NELL2: variants seen among roughly 807,000 people sequenced by gnomAD.
NELL2 encodes neural EGFL like 2.
NELL2 carries 41 observed loss-of-function variants against 109.6 expected under a neutral mutation model. The ratio of observed to expected loss-of-function variants is 0.37; its 90% CI spans 0.29 to 0.49. The LOEUF is 0.49. NELL2 is among the 20% of genes least tolerant of loss of function. The probability of loss-of-function intolerance (pLI) is 0.98; values close to 1 mark genes in which losing one functional copy is unlikely to be tolerated. For missense variants in NELL2, 900 were observed against 1,008.3 expected, an observed-to-expected ratio of 0.89 and a Z score of 1.45; for synonymous variants, 355 against 344.7, an observed-to-expected ratio of 1.03 and a Z score of -0.33.
chr12:44,784,386 A>G (rs1942083069), intron 3 of NELL2, among the ~76,000 whole-genome samples: 1 of 152,086 alleles, frequency 6.6e-6, no homozygotes, highest in Non-Finnish European at 1.5e-5. Context: ...ACAGAATAGA[A>G]AGGAAGAAGT....
chr12:44,917,756 A>T (rs1383532008), upstream of NELL2, among the ~76,000 whole-genome samples: 1 of 152,188 alleles, frequency 6.6e-6, no homozygotes, highest in Non-Finnish European at 1.5e-5. Context: ...CAGAGACTCT[A>T]ATCAAGAGAG....
chr12:44,883,310 G>C (rs920340568), intron 1 of NELL2, among the ~76,000 whole-genome samples: 4 of 151,890 alleles, frequency 2.6e-5, no homozygotes, highest in African/African-American at 9.7e-5. Context: ...GCATTCCTTG[G>C]CTCATTGCCC....
chr12:44,588,345 A>T (rs2136221757), intron 15 of NELL2, among the ~76,000 whole-genome samples: 1 of 152,264 alleles, frequency 6.6e-6, no homozygotes, highest in Non-Finnish European at 1.5e-5. Flanking sequence ...AGCCTGAGCC[A>T]TCAGGAACAC....
At chr12:44,736,160 G>A (rs895708475) in intron 9 of NELL2, among the ~76,000 whole-genome samples, 5 of 151,734 alleles carry the variant, frequency 3.3e-5, no homozygotes, top group East Asian at 3.9e-4. Context: ...ACAGGCGCGC[G>A]CCACCATGCC....
chr12:44,858,818 T>C (rs1944756130), intron 2 of NELL2, among the ~76,000 whole-genome samples: 1 of 152,224 alleles, frequency 6.6e-6, no homozygotes, highest in Admixed American at 6.5e-5. Context: ...CCCTAAGTTA[T>C]GATTATCTGA....
chr12:44,509,911 A>C (rs74085067), intron 19 of NELL2, among the ~76,000 whole-genome samples: 3 of 152,014 alleles, frequency 2.0e-5, no homozygotes, highest in African/African-American at 7.3e-5. Flanking sequence ...GGCCAAACGC[A>C]CAGAGGAGAG....
intron 2 of NELL2, among the ~76,000 whole-genome samples, chr12:44,820,467 G>C (rs1382599428): frequency 6.6e-6 from 1 of 152,096 alleles, no homozygotes; most frequent in Non-Finnish European, 1.5e-5. Context: ...AAATTAGCCA[G>C]GCGTGGTGAT....
intron 11 of NELL2, among the ~76,000 whole-genome samples, chr12:44,704,787 A>G (rs1937763325): frequency 6.6e-6 from 1 of 151,988 alleles, no homozygotes; most frequent in Admixed American, 6.6e-5. Context: ...GGGAGGCTGA[A>G]GCAGATGGAT....
chr12:44,631,870 C>CA (rs1946469934), intron 13 of NELL2, among the ~76,000 whole-genome samples: 1 of 151,860 alleles, frequency 6.6e-6, no homozygotes, highest in Non-Finnish European at 1.5e-5. Flanking sequence ...AAAGGCATTA[C>CA]AAAAAACAAA....
At chr12:44,607,120 T>A (rs1408536389) in intron 15 of NELL2, 49 bp downstream of exon 15, 2 of 1,482,170 alleles carry the variant, frequency 1.3e-6, no homozygotes, top group Non-Finnish European at 1.9e-6. Flanking sequence ...GATTACTTTA[T>A]GCATTGGCAT....
chr12:44,547,833 T>C (rs1386871931), intron 15 of NELL2, among the ~76,000 whole-genome samples: 1 of 152,198 alleles, frequency 6.6e-6, no homozygotes, highest in African/African-American at 2.4e-5. Context: ...CATGACTTTC[T>C]CTTTCTGGAA....
intron 15 of NELL2, among the ~76,000 whole-genome samples, chr12:44,590,183 A>C (rs1031498757): frequency 1.3e-5 from 2 of 152,002 alleles, no homozygotes; most frequent in African/African-American, 4.8e-5. Context: ...TTTATATCAT[A>C]TTATTTTTGC....
chr12:44,617,053 A>T (rs1000725612), intron 13 of NELL2, among the ~76,000 whole-genome samples: 1 of 152,144 alleles, frequency 6.6e-6, no homozygotes, highest in Non-Finnish European at 1.5e-5. Context: ...TTTTAGGTCT[A>T]TAAGAAAAAA....
chr12:44,625,423 G>T (rs1946220066), intron 13 of NELL2, among the ~76,000 whole-genome samples: 1 of 152,098 alleles, frequency 6.6e-6, no homozygotes, highest in South Asian at 2.1e-4. Context: ...TATGTTTGAT[G>T]TGCAAATGCA....
intron 15 of NELL2, among the ~76,000 whole-genome samples, chr12:44,564,623 T>C (rs773349850): frequency 1.1e-4 from 17 of 152,154 alleles, no homozygotes; most frequent in Non-Finnish European, 1.9e-4. Context: ...AAACATGTAA[T>C]GCATATGTGT....
intron 1 of NELL2, among the ~76,000 whole-genome samples, chr12:44,882,438 T>C (rs955637725): frequency 6.7e-6 from 1 of 150,206 alleles, no homozygotes; most frequent in Non-Finnish European, 1.5e-5. Context: ...CATACATACG[T>C]GTATATATGT....
intron 9 of NELL2, among the ~76,000 whole-genome samples, chr12:44,744,652 A>G (rs911749835): frequency 1.3e-5 from 2 of 152,228 alleles, no homozygotes; most frequent in Non-Finnish European, 2.9e-5. Flanking sequence ...ACAAACTACC[A>G]TCAGAGAATA....
intron 15 of NELL2, among the ~76,000 whole-genome samples, chr12:44,592,543 AAG>A (rs1423455663): frequency 1.2e-4 from 19 of 152,146 alleles, no homozygotes; most frequent in African/African-American, 4.6e-4. Flanking sequence ...AGGAAATGTA[AAG>A]ATGTGAAATT....
chr12:44,874,938 C>A, intron 2 of NELL2: 3 of 282,360 alleles, frequency 1.1e-5, no homozygotes, highest in East Asian at 6.6e-5. Context: ...ATTCATTGTT[C>A]CCCAGATTCT....
Sources: gnomAD v4.1 joint callset for allele counts (sites outside exome capture counted in the v4.1 genomes callset) on GRCh38, gnomAD v4.1.1 for gene constraint, MANE v1.5 for transcripts, NCBI Gene and HGNC (gene_info 2026-07-23, HGNC 2026-07-21) for gene names.